Variants in TBC1D5 observed in about 807,000 individuals in gnomAD.
The protein encoded by TBC1D5 is TBC1 domain family, member 5.
TBC1D5 carries 75 observed loss-of-function variants against 100.3 expected under a neutral mutation model. That is an observed-to-expected ratio of 0.75 (90% CI 0.62 to 0.91). TBC1D5 has a LOEUF of 0.91. Among genes scored for constraint, TBC1D5 ranks in the 40% least tolerant of loss-of-function variants. TBC1D5 has a pLI of 0.00. For synonymous variants in TBC1D5, 323 were observed against 325.6 expected (o/e 0.99, Z 0.09); for missense variants, 910 against 942.4 (o/e 0.97, Z 0.45).
chr3:17,452,381 A>C (rs2094948125), intron 3 of TBC1D5, among the ~76,000 whole-genome samples: 2 of 152,218 alleles, frequency 1.3e-5, no homozygotes, highest in Non-Finnish European at 2.9e-5. Flanking sequence ...TGAATGGATG[A>C]AAAACCAAGA....
At chr3:17,416,795 G>T (rs1157446716) in intron 4 of TBC1D5, among the ~76,000 whole-genome samples, 2 of 152,070 alleles carry the variant, frequency 1.3e-5, no homozygotes, top group Non-Finnish European at 2.9e-5. Flanking sequence ...CTGAAAGTTA[G>T]AAAGGCAAAT....
intron 15 of TBC1D5, among the ~76,000 whole-genome samples, chr3:17,273,731 C>T (rs989042431): frequency 2.0e-5 from 3 of 149,458 alleles, no homozygotes; most frequent in South Asian, 2.1e-4. Flanking sequence ...CGCTTGAACC[C>T]GGGAGGTGGA....
intron 16 of TBC1D5, among the ~76,000 whole-genome samples, chr3:17,242,099 G>A (rs961927917): frequency 6.6e-6 from 1 of 152,124 alleles, no homozygotes; most frequent in African/African-American, 2.4e-5. Context: ...TTGCCCACTT[G>A]ATGTCTTGCA....
intron 3 of TBC1D5, among the ~76,000 whole-genome samples, chr3:17,492,028 G>A (rs2095645536): frequency 6.6e-6 from 1 of 152,128 alleles, no homozygotes; most frequent in African/African-American, 2.4e-5. Context: ...TCATGGGAGG[G>A]TGTATGTGTA....
In TBC1D5 at chr3:17,690,506, G is replaced by A. The variant is rs1214642193; in HGVS notation, c.-101+48837C>T. On this transcript the variant is annotated intron_variant, in intron 1 of 21. Transcript: ENST00000253692. ...GCTGGGATTACAGGCGTGAGCCACC[G>A]CGCCCGGCCTAAAAATAGCCATATT... 1.4e-4 allele frequency among the ~76,000 whole-genome samples: 4 copies of A among 29,518 alleles called. 1 individual carries two copies. Among genetic ancestry groups the A allele is most frequent in the African/African-American group, 2.0e-4 (2 of 10,062 alleles). 19.4% of individuals were successfully genotyped at this position (29,518 alleles called of 152,430 possible).
chr3:17,267,328 T>C (rs1437058256), intron 15 of TBC1D5, among the ~76,000 whole-genome samples: 1 of 151,990 alleles, frequency 6.6e-6, no homozygotes, highest in East Asian at 1.9e-4. Context: ...TTTAGATAAC[T>C]GGTTGGCTCT....
At chr3:17,207,219 A>G (rs1316600355) in intron 18 of TBC1D5, among the ~76,000 whole-genome samples, 1 of 152,228 alleles carries the variant, frequency 6.6e-6, no homozygotes, top group Non-Finnish European at 1.5e-5. Flanking sequence ...TTAGAAAATG[A>G]TTTGGCAACA....
chr3:17,293,833 T>C (rs1335698462), intron 14 of TBC1D5, among the ~76,000 whole-genome samples: 3 of 152,256 alleles, frequency 2.0e-5, no homozygotes, highest in Non-Finnish European at 4.4e-5. Context: ...AAGCTTTCTG[T>C]AGCCAGGCCA....
chr3:17,537,632 A>G (rs2096295884), intron 2 of TBC1D5, among the ~76,000 whole-genome samples: 1 of 152,200 alleles, frequency 6.6e-6, no homozygotes, highest in Admixed American at 6.5e-5. Flanking sequence ...GACTACTCTA[A>G]TAATCACATA....
intron 1 of TBC1D5, among the ~76,000 whole-genome samples, chr3:17,642,678 G>A (rs1180814825): frequency 6.6e-6 from 1 of 152,042 alleles, no homozygotes; most frequent in Admixed American, 6.6e-5. Flanking sequence ...AACAAATTGT[G>A]GTCAGCAACA....
At chr3:17,224,647 G>T (rs1430201108) in intron 17 of TBC1D5, among the ~76,000 whole-genome samples, 1 of 152,104 alleles carries the variant, frequency 6.6e-6, no homozygotes, top group Non-Finnish European at 1.5e-5. Context: ...TGTGACTATT[G>T]TAACAAAATA....
At chr3:17,592,670 A>G (rs1230074682) in intron 2 of TBC1D5, among the ~76,000 whole-genome samples, 1 of 152,170 alleles carries the variant, frequency 6.6e-6, no homozygotes, top group African/African-American at 2.4e-5. Context: ...AGTCCGAGCT[A>G]TTGTGCAAGC....
intron 2 of TBC1D5, among the ~76,000 whole-genome samples, chr3:17,521,976 A>G (rs2096068455): frequency 6.6e-6 from 1 of 152,174 alleles, no homozygotes; most frequent in African/African-American, 2.4e-5. Context: ...TAACTTGGAT[A>G]CATGAGCCAA....
At chr3:17,406,634 T>C (rs1293629387) in intron 4 of TBC1D5, 108 bp from the exon 5 acceptor site, 2 of 870,620 alleles carry the variant, frequency 2.3e-6, no homozygotes, top group Admixed American at 5.1e-5. Context: ...ATGCAACTTT[T>C]AAAACATATA....
intron 2 of TBC1D5, among the ~76,000 whole-genome samples, chr3:17,550,062 G>GT (rs1254581467): frequency 6.6e-6 from 1 of 151,922 alleles, no homozygotes; most frequent in Non-Finnish European, 1.5e-5. Context: ...ATCTCTAATG[G>GT]TTTTTCATAG....
intron 13 of TBC1D5, among the ~76,000 whole-genome samples, chr3:17,364,171 G>A (rs1170953796): frequency 6.6e-6 from 1 of 151,962 alleles, no homozygotes; most frequent in Non-Finnish European, 1.5e-5. Flanking sequence ...ATTTAGAGTT[G>A]TAATTGTTTC....
intron 3 of TBC1D5, among the ~76,000 whole-genome samples, chr3:17,486,449 T>C (rs1559996299): frequency 6.6e-6 from 1 of 152,210 alleles, no homozygotes. Flanking sequence ...CTAGGTTTTC[T>C]TCTAGGGTTT....
At chr3:17,510,758 G>A (rs2095895348) in intron 2 of TBC1D5, among the ~76,000 whole-genome samples, 1 of 152,010 alleles carries the variant, frequency 6.6e-6, no homozygotes. Context: ...TAACATTTAT[G>A]CACAATGAAT....
Position 17,181,183 on chromosome 3 carries a change from A to T in TBC1D5, c.1852+3926T>A, listed in dbSNP as rs140201805. On this transcript the variant is annotated intron_variant, in intron 19 of 21. Coordinates refer to ENST00000253692, the Ensembl canonical transcript of TBC1D5. ...CTTGCTCAAGGAGCTCACACACCTC[A>T]TCTTAGAACTAGCACATCCCAAATT... 8.0e-3 allele frequency among the ~76,000 whole-genome samples: 1,212 copies of T among 152,300 alleles called. 11 individuals carry two copies. The highest frequency in any genetic ancestry group is 0.041 in the Middle Eastern group (12 of 294).
Sources: allele counts gnomAD v4.1 joint callset (sites outside exome capture counted in the v4.1 genomes callset), GRCh38; gene constraint gnomAD v4.1.1; transcripts MANE v1.5; gene names NCBI Gene and HGNC (gene_info 2026-07-23, HGNC 2026-07-21).